The following WDR37 variants were observed in gnomAD, a reference collection of about 807,000 sequenced individuals.
WDR37 encodes the protein WD repeat domain 37.
In WDR37, 19 loss-of-function variants were observed where a neutral mutation model predicts 62.9. The observed-to-expected ratio is 0.30, with a 90% CI of 0.21 to 0.44. The LOEUF is 0.44. Ranked by LOEUF, WDR37 falls within the 20% of genes least tolerant of loss-of-function variation. The pLI is 1.00. For synonymous variants in WDR37, 250 were observed against 260.9 expected (o/e 0.96, Z 0.40); for missense variants, 474 against 657.6 (o/e 0.72, Z 3.05).
At chr10:1,073,941 C>G (rs1833794007) in intron 2 of WDR37, among the ~76,000 whole-genome samples, 1 of 152,180 alleles carries the variant, frequency 6.6e-6, no homozygotes, top group Non-Finnish European at 1.5e-5. Flanking sequence ...GGACCCCGTT[C>G]AACACAGCAC....
At position 1,080,006 on chromosome 10, in the gene WDR37, C is replaced by G. The variant is rs1833982634; in HGVS notation, c.236-5C>G. 8 of 1,613,452 alleles carry G rather than the reference C, an allele frequency of 5.0e-6. No homozygotes were observed. The highest frequency in any genetic ancestry group is 5.9e-6 in the Non-Finnish European group (7 of 1,179,704). ...TTAGATTTTTGAAAACTTTTTTCTT[C>G]CCAGTACGTAGAGAAATCGACACTC... On this transcript the variant is annotated splice_polypyrimidine_tract_variant and splice_region_variant and intron_variant, in intron 3 of 13. Coordinates refer to ENST00000263150, the MANE Select transcript of WDR37 (RefSeq NM_014023.4).
chr10:1,093,439 T>C lies in WDR37; in HGVS notation c.605-13T>C. On this transcript the variant is annotated splice_polypyrimidine_tract_variant and intron_variant, in intron 7 of 13. Coordinates refer to ENST00000263150, the MANE Select transcript of WDR37 (RefSeq NM_014023.4). The stretch of plus-strand genomic sequence containing the variant: ...CACTTTAAACCTGTTTTTATCATAT[T>C]TTTATTTTGCAGTAAATTCTATCAA... The C allele has an allele frequency of 6.2e-7, 1 of 1,604,508 alleles. No individual in the cohort carries two copies.
At chr10:1,108,035 C>T (rs888990292) in intron 11 of WDR37, among the ~76,000 whole-genome samples, 2 of 152,254 alleles carry the variant, frequency 1.3e-5, no homozygotes, top group Non-Finnish European at 2.9e-5. Context: ...CTATAACACA[C>T]ACTTGTATAT....
chr10:1,097,734 G>A (rs1834636980), intron 9 of WDR37, among the ~76,000 whole-genome samples: 2 of 152,206 alleles, frequency 1.3e-5, no homozygotes, highest in South Asian at 4.1e-4. Flanking sequence ...TGAAGAGCTC[G>A]TGGAGTTTGC....
At chr10:1,059,115 C>T (rs991099985) in intron 1 of WDR37, among the ~76,000 whole-genome samples, 5 of 152,162 alleles carry the variant, frequency 3.3e-5, no homozygotes, top group Non-Finnish European at 7.3e-5. Context: ...GTGGCTCATG[C>T]CTGTAATCCC....
At chr10:1,124,882 A>C (rs1361692375) in intron 12 of WDR37, 28 bp from the exon 13 acceptor site, 1 of 1,612,494 alleles carries the variant, frequency 6.2e-7, no homozygotes, top group African/African-American at 1.3e-5. Flanking sequence ...TGTTTCATGC[A>C]CAACCCACTT....
chr10:1,109,827 A>T (rs11250266), intron 11 of WDR37, among the ~76,000 whole-genome samples: 20,057 of 152,252 alleles, frequency 0.13, 1,532 homozygotes, highest in Middle Eastern at 0.19. Flanking sequence ...AGTAAGTGTT[A>T]TGAAAAAGTT....
chr10:1,095,207 A>G (rs1834533412), intron 8 of WDR37, among the ~76,000 whole-genome samples: 1 of 144,904 alleles, frequency 6.9e-6, no homozygotes, highest in African/African-American at 2.6e-5. Flanking sequence ...GGTGACGAGC[A>G]TGGAGAGAGG....
At chr10:1,129,155 C>T in intron 13 of WDR37, 58 bp from the exon 14 acceptor site, 1 of 1,599,276 alleles carries the variant, frequency 6.3e-7, no homozygotes, top group Non-Finnish European at 8.5e-7. Context: ...TCGCTGAGGT[C>T]TTATAATCTT....
intron 7 of WDR37, among the ~76,000 whole-genome samples, chr10:1,091,155 T>A (rs2131639279): frequency 6.6e-6 from 1 of 152,362 alleles, no homozygotes; most frequent in South Asian, 2.1e-4. Flanking sequence ...TGTGCCTGCC[T>A]GCCCTACCCC....
intron 5 of WDR37, 57 bp from the exon 6 acceptor site, chr10:1,084,346 A>G: frequency 6.3e-7 from 1 of 1,587,612 alleles, no homozygotes; most frequent in Non-Finnish European, 8.6e-7. Context: ...CTCTTTCTTG[A>G]CTTAGAAAAA....
intron 2 of WDR37, chr10:1,074,404 C>T (rs189074476): frequency 1.8e-5 from 23 of 1,302,434 alleles, no homozygotes; most frequent in Admixed American, 4.6e-5. Context: ...CGCACGGCCT[C>T]GTCCTCTGCT....
intron 7 of WDR37, among the ~76,000 whole-genome samples, chr10:1,092,872 CAAAAAA>C (rs56220560): frequency 6.9e-4 from 29 of 41,974 alleles, no homozygotes; most frequent in African/African-American, 1.3e-3. Flanking sequence ...CCCTATCTCA[CAAAAAA>C]AAAAAAAAAA....
intron 7 of WDR37, among the ~76,000 whole-genome samples, chr10:1,092,103 C>T (rs1269502315): frequency 2.0e-5 from 3 of 149,708 alleles, no homozygotes; most frequent in Non-Finnish European, 4.4e-5. Flanking sequence ...TGGCATGAAC[C>T]TGGGAGGCGG....
At chr10:1,101,736 G>A (rs555492222) in intron 9 of WDR37, among the ~76,000 whole-genome samples, 7 of 152,182 alleles carry the variant, frequency 4.6e-5, no homozygotes, top group South Asian at 4.1e-4. Context: ...TAGCTGTTCC[G>A]CACATGGCGG....
chr10:1,097,515 C>T (rs1834629131), intron 9 of WDR37, among the ~76,000 whole-genome samples: 1 of 152,222 alleles, frequency 6.6e-6, no homozygotes, highest in Non-Finnish European at 1.5e-5. Context: ...CTGAGGTTGG[C>T]AGGGCTGCAG....
Position 1,056,703 on chromosome 10 carries a change from C to G in WDR37, c.-306C>G, listed in dbSNP as rs1352474385. 2.0e-5 allele frequency: 3 copies of G among 152,326 alleles called. No individual in the cohort carries two copies. The highest frequency in any genetic ancestry group is 4.4e-5 in the Non-Finnish European group (3 of 68,122). 9.4% of individuals were successfully genotyped at this position (152,326 alleles called of 1,614,324 possible). On this transcript the variant is annotated 5_prime_UTR_variant, in exon 1 of 14. Coordinates refer to ENST00000263150, the MANE Select transcript of WDR37 (RefSeq NM_014023.4). The stretch of plus-strand genomic sequence containing the variant: ...ACCCCTCGGGGCTGCGGGGCGGAAG[C>G]CGGGGCGTGACTTCCGGCGCCGCCG...
At chr10:1,125,212 T>A in intron 13 of WDR37, 188 bp downstream of exon 13, 7 of 599,470 alleles carry the variant, frequency 1.2e-5, no homozygotes, top group Non-Finnish European at 1.0e-5. Context: ...ATTCCACACC[T>A]ACTTCAGTGT....
intron 1 of WDR37, among the ~76,000 whole-genome samples, chr10:1,071,047 G>A (rs112992143): frequency 9.2e-5 from 14 of 152,316 alleles, no homozygotes; most frequent in African/African-American, 3.1e-4. Context: ...AGTCACCATT[G>A]TAACTGTCTA....
Sources: gnomAD v4.1 joint callset for allele counts (sites outside exome capture counted in the v4.1 genomes callset) on GRCh38, gnomAD v4.1.1 for gene constraint, MANE v1.5 for transcripts, NCBI Gene and HGNC (gene_info 2026-07-23, HGNC 2026-07-21) for gene names.